The following ATP9A variants were observed in gnomAD, a reference collection of about 807,000 sequenced individuals.
ATP9A encodes the protein ATPase phospholipid transporting 9A.
Under a neutral mutation model 144.1 loss-of-function variants are expected in ATP9A, and 52 were observed. The observed-to-expected ratio is 0.36, with a 90% CI of 0.29 to 0.45. The LOEUF is 0.45. Ranked by LOEUF, ATP9A falls within the 20% of genes least tolerant of loss-of-function variation. The probability of loss-of-function intolerance (pLI) is 1.00; values close to 1 mark genes in which losing one functional copy is unlikely to be tolerated. For synonymous variants in ATP9A, 582 were observed against 557.4 expected (o/e 1.04, Z -0.62); for missense variants, 947 against 1,392.7 (o/e 0.68, Z 5.09).
intron 27 of ATP9A, among the ~76,000 whole-genome samples, chr20:51,603,508 C>A (rs1051813580): frequency 2.6e-5 from 4 of 152,030 alleles, no homozygotes; most frequent in African/African-American, 9.7e-5. Flanking sequence ...CGATGGGGTC[C>A]GTAGCATAGC....
chr20:51,742,090 G>A lies in ATP9A; in HGVS notation c.69-12112C>T, dbSNP rs371502379. 3.7e-4 allele frequency among the ~76,000 whole-genome samples: 57 copies of A among 152,226 alleles called. 3 individuals are homozygous for A. Among genetic ancestry groups the A allele is most frequent in the Middle Eastern group, 6.8e-3 (2 of 294 alleles). On this transcript the variant is annotated intron_variant, in intron 1 of 27. Transcript: ENST00000338821. ...TGTCATCCCAACACTTTGAGAGGCC[G>A]AGGCAGGAAAACAGCTTGAGTTCAG...
At chr20:51,761,502 C>T (rs1039576961) in intron 1 of ATP9A, among the ~76,000 whole-genome samples, 4 of 152,154 alleles carry the variant, frequency 2.6e-5, no homozygotes, top group South Asian at 2.1e-4. Flanking sequence ...TGGCTCACGG[C>T]TGTAATCCCA....
intron 4 of ATP9A, among the ~76,000 whole-genome samples, chr20:51,711,792 G>A (rs1210169238): frequency 6.6e-6 from 1 of 151,690 alleles, no homozygotes; most frequent in Admixed American, 6.6e-5. Context: ...TTGCAAGTGG[G>A]GGGTCAGTGA....
At chr20:51,697,402 C>A (rs1297690487) in intron 5 of ATP9A, 22 bp downstream of exon 5, 2 of 1,611,516 alleles carry the variant, frequency 1.2e-6, no homozygotes, top group African/African-American at 1.3e-5. Flanking sequence ...TATCCACACA[C>A]AAGCTTCCAG....
Position 51,726,462 on chromosome 20 carries a change from T to C in ATP9A, c.214-530A>G, listed in dbSNP as rs191409897. ...CATTTGTAAAAGAAAGAGTAAATAA[T>C]GATATACATGGAAATTGTAAATACC... is the stretch of plus-strand genomic sequence containing the variant. On this transcript the variant is annotated intron_variant, in intron 2 of 27. Coordinates refer to ENST00000338821, the MANE Select transcript of ATP9A (RefSeq NM_006045.3). Among the ~76,000 whole-genome samples the C allele has an allele frequency of 1.7e-3, 260 of 151,912 alleles. 1 individual carries two copies. The highest frequency in any genetic ancestry group is 5.7e-3 in the Admixed American group (87 of 15,226).
Position 51,671,150 on chromosome 20 carries a change from A to T in ATP9A, c.1145T>A (p.Leu382Gln). 1 of 1,614,128 alleles carries T rather than the reference A, an allele frequency of 6.2e-7. No individual in the cohort carries two copies. The highest frequency in any genetic ancestry group is 8.5e-7 in the Non-Finnish European group (1 of 1,179,988). The change falls in exon 12 of 28, where the codon CTG becomes CAG. Residue 382 changes from leucine (L) to glutamine (Q), a missense_variant. Physicochemically the swap from Leu to Gln is moderately radical, Grantham distance 113. Around this residue, in one of 2 missense-constraint regions of ATP9A, gnomAD observed 770 missense variants for 1,047.9 expected, o/e 0.73. Coordinates refer to ENST00000338821, the MANE Select transcript of ATP9A (RefSeq NM_006045.3). Reference protein sequence around the residue: ...VVRSSTIPEQLGRISYLLTDK... With the variant: ...VVRSSTIPEQQGRISYLLTDK... ...TGTGAGTAAGTACGAAATCCTGCCC[A>T]GCTGCTCAGGAATCGTGCTGGAGCG...
chr20:51,675,716 C>T (rs1394348911), intron 10 of ATP9A, among the ~76,000 whole-genome samples: 1 of 152,016 alleles, frequency 6.6e-6, no homozygotes, highest in Non-Finnish European at 1.5e-5. Context: ...CCCATCTCTA[C>T]TAAAAATACA....
chr20:51,670,187 C>G (rs1293548393), intron 12 of ATP9A, 78 bp from the exon 13 acceptor site: 5 of 1,164,708 alleles, frequency 4.3e-6, no homozygotes, highest in Non-Finnish European at 6.4e-6. Flanking sequence ...CAGCTGCCAT[C>G]TTTGGAGAGT....
chr20:51,661,618 G>C (rs112648095), intron 13 of ATP9A, among the ~76,000 whole-genome samples: 2 of 139,654 alleles, frequency 1.4e-5, no homozygotes, highest in African/African-American at 5.5e-5. Context: ...TCAACCTCCC[G>C]CCTCGGCCTC....
intron 15 of ATP9A, among the ~76,000 whole-genome samples, chr20:51,634,583 G>C (rs1301685108): frequency 6.6e-6 from 1 of 152,084 alleles, no homozygotes; most frequent in African/African-American, 2.4e-5. Context: ...AGGGCCGAGC[G>C]TGGCGGCTCA....
intron 27 of ATP9A, among the ~76,000 whole-genome samples, chr20:51,601,996 G>A (rs1384708971): frequency 6.6e-6 from 1 of 152,230 alleles, no homozygotes; most frequent in Non-Finnish European, 1.5e-5. Context: ...CAGTTGGAGA[G>A]TCTTTCTAAG....
At chr20:51,728,485 G>A (rs59759340) in intron 2 of ATP9A, among the ~76,000 whole-genome samples, 10,304 of 152,024 alleles carry the variant, frequency 0.068, 791 homozygotes, top group African/African-American at 0.19. Flanking sequence ...AAAATTAGCC[G>A]GGCGTGGTGG....
At chr20:51,686,332 T>C (rs1033060935) in intron 9 of ATP9A, among the ~76,000 whole-genome samples, 1 of 151,352 alleles carries the variant, frequency 6.6e-6, no homozygotes, top group Non-Finnish European at 1.5e-5. Context: ...ACCTGCACGT[T>C]GTGCACATGT....
chr20:51,711,494 T>C (rs1287050141), intron 4 of ATP9A, among the ~76,000 whole-genome samples: 3 of 152,176 alleles, frequency 2.0e-5, no homozygotes, highest in Non-Finnish European at 4.4e-5. Flanking sequence ...ATCTTATCTC[T>C]TTCCAAATTC....
At chr20:51,689,231 A>C (rs2077536711) in intron 8 of ATP9A, 92 bp from the exon 9 acceptor site, 1 of 1,301,680 alleles carries the variant, frequency 7.7e-7, no homozygotes, top group Non-Finnish European at 1.1e-6. Flanking sequence ...AGATAGAAAG[A>C]CAGGCTCCCC....
At chr20:51,691,940 C>A (rs1422556221) in intron 7 of ATP9A, among the ~76,000 whole-genome samples, 2 of 152,194 alleles carry the variant, frequency 1.3e-5, no homozygotes, top group African/African-American at 4.8e-5. Flanking sequence ...CTGACACAGG[C>A]TACAATACGG....
intron 13 of ATP9A, among the ~76,000 whole-genome samples, chr20:51,669,394 G>C (rs1029042385): frequency 6.6e-6 from 1 of 152,146 alleles, no homozygotes; most frequent in East Asian, 1.9e-4. Flanking sequence ...AAAAATAAAG[G>C]TAGGAACAGA....
chr20:51,648,374 T>C (rs2077350566), intron 14 of ATP9A, among the ~76,000 whole-genome samples: 1 of 152,078 alleles, frequency 6.6e-6, no homozygotes, highest in Non-Finnish European at 1.5e-5. Context: ...AACGGGACCT[T>C]TTACACACAT....
At chr20:51,761,452 CATT>C (rs566139278) in intron 1 of ATP9A, among the ~76,000 whole-genome samples, 91 of 152,256 alleles carry the variant, frequency 6.0e-4, no homozygotes, top group African/African-American at 2.1e-3. Context: ...AGCTTCTCCT[CATT>C]GTTGTAACAA....
Sources: allele counts gnomAD v4.1 joint callset (sites outside exome capture counted in the v4.1 genomes callset), GRCh38; gene constraint gnomAD v4.1.1; regional missense constraint gnomAD v4.1.1; transcripts MANE v1.5; gene names NCBI Gene and HGNC (gene_info 2026-07-23, HGNC 2026-07-21).